The following LINGO3 variants were observed in gnomAD, a reference collection of about 807,000 sequenced individuals.
LINGO3 encodes the protein leucine-rich repeat and immunoglobulin-like domain-containing nogo receptor-interacting protein 3.
For synonymous variants in LINGO3, 427 were observed against 444.2 expected (o/e 0.96, Z 0.49); for missense variants, 750 against 867.7 (o/e 0.86, Z 1.70).
chr19:2,293,780 C>T (rs983251967), upstream of LINGO3, among the ~76,000 whole-genome samples: 2 of 147,120 alleles, frequency 1.4e-5, no homozygotes, highest in East Asian at 2.2e-4. Flanking sequence ...AGGCCGGGCG[C>T]GGTGGCTCAC....
chr19:2,295,951 C>T (rs577038209), upstream of LINGO3, among the ~76,000 whole-genome samples: 9 of 151,860 alleles, frequency 5.9e-5, no homozygotes, highest in East Asian at 1.6e-3. Context: ...GTCCTCCTGC[C>T]CCCAGCTTGG....
chr19:2,302,536 GACCGAGA>G, the LINGO3 span, among the ~76,000 whole-genome samples: 1 of 152,332 alleles, frequency 6.6e-6, no homozygotes. Flanking sequence ...TGGGGTTGGC[GACCGAGA>G]ACCTTCCTGC....
At chr19:2,306,635 C>A in the LINGO3 span, among the ~76,000 whole-genome samples, 1 of 152,180 alleles carries the variant, frequency 6.6e-6, no homozygotes, top group African/African-American at 2.4e-5. Context: ...CCGAGGTGGG[C>A]AGCATCTCAT....
Position 2,291,927 on chromosome 19 carries a change from C to T in LINGO3, c.-151G>A, listed in dbSNP as rs867592034. 34 of 676,340 alleles carry T rather than the reference C, an allele frequency of 5.0e-5. 1 individual carries two copies. In the Middle Eastern group the frequency reaches 2.8e-3, roughly 57 times the overall value. The allele number at this position is 676,340 out of a possible 1,614,324, so 41.9% of individuals were successfully genotyped here. A position where few individuals can be genotyped will look rare whatever the true frequency, so the allele number is the denominator to read the frequency against. ...CCCGTCCCAGCACGGCGGCTCGCTC[C>T]TGTAAACCCAGCATTTTGGGAGGCT... On this transcript the variant is annotated 5_prime_UTR_variant, in exon 1 of 1. Transcript: ENST00000585527.
At chr19:2,302,736 T>C in the LINGO3 span, among the ~76,000 whole-genome samples, 7 of 152,214 alleles carry the variant, frequency 4.6e-5, no homozygotes, top group African/African-American at 1.4e-4. Context: ...CTCATTACCA[T>C]GCACGACCAG....
chr19:2,307,309 C>T, the LINGO3 span, among the ~76,000 whole-genome samples: 1 of 152,206 alleles, frequency 6.6e-6, no homozygotes, highest in Non-Finnish European at 1.5e-5. Context: ...GCACCGTTAG[C>T]GCCCCAAGCA....
At position 2,290,701 on chromosome 19, in the gene LINGO3, C is replaced by G; in HGVS notation, c.1076G>C (p.Arg359Pro). Residue 359 changes from arginine to proline, a missense_variant, in exon 1 of 1, where the codon CGC (arginine) becomes CCC (proline). Physicochemically the swap from Arg to Pro is moderately radical, Grantham distance 103 (BLOSUM62 -2). Transcript: ENST00000585527. This position sits in a 1 kb window ranked among gnomAD's most constrained non-coding sequence, Gnocchi z 6.0. Reference sequence around the variant, plus strand: ...GCGACGCTGCACGATCCACAGCAGGCGACAGTCGCAGGCCAGCGGGTTCCC... The same window carrying G: ...GCGACGCTGCACGATCCACAGCAGGGGACAGTCGCAGGCCAGCGGGTTCCC... The G allele has an allele frequency of 6.2e-7, 1 of 1,611,798 alleles. No individual in the cohort carries two copies. Among genetic ancestry groups the G allele is most frequent in the East Asian group, 2.2e-5 (1 of 44,844 alleles).
chr19:2,293,659 C>T (rs1226229565), upstream of LINGO3, among the ~76,000 whole-genome samples: 3 of 151,952 alleles, frequency 2.0e-5, no homozygotes, highest in South Asian at 4.1e-4. Context: ...CGCGCCCGTC[C>T]GTGTGATCTC....
the LINGO3 span, among the ~76,000 whole-genome samples, chr19:2,300,420 T>A: frequency 0.12 from 17,432 of 151,514 alleles, 1,293 homozygotes; most frequent in East Asian, 0.21. Flanking sequence ...GCTCTCTATC[T>A]CCATCCTCAT....
the LINGO3 span, among the ~76,000 whole-genome samples, chr19:2,307,572 A>G: frequency 2.0e-5 from 3 of 152,250 alleles, no homozygotes; most frequent in East Asian, 5.8e-4. Context: ...CCTCCCCGCC[A>G]GGCCGGGCCG....
the LINGO3 span, among the ~76,000 whole-genome samples, chr19:2,303,159 C>A: frequency 1.3e-5 from 2 of 152,050 alleles, no homozygotes; most frequent in Non-Finnish European, 2.9e-5. Context: ...GGACCCCCAC[C>A]CATCTGCTTC....
At chr19:2,307,432 A>G in the LINGO3 span, among the ~76,000 whole-genome samples, 1 of 152,168 alleles carries the variant, frequency 6.6e-6, no homozygotes, top group Non-Finnish European at 1.5e-5. Context: ...AATGGGACTC[A>G]GGGCCTCCCC....
the LINGO3 span, among the ~76,000 whole-genome samples, chr19:2,299,977 C>T: frequency 2.7e-5 from 4 of 150,568 alleles, no homozygotes; most frequent in Admixed American, 6.6e-5. Context: ...CCGGCCTCGG[C>T]CTCCCAAAGT....
chr19:2,287,325 G>A (rs1234620733), downstream of LINGO3, among the ~76,000 whole-genome samples: 1 of 152,056 alleles, frequency 6.6e-6, no homozygotes, highest in Admixed American at 6.6e-5. This position sits in a 1 kb window ranked among gnomAD's most constrained non-coding sequence, Gnocchi z 4.5. Context: ...TAACCTGGCC[G>A]AGAATGCACC....
chr19:2,304,674 T>A, the LINGO3 span, among the ~76,000 whole-genome samples: 1 of 148,640 alleles, frequency 6.7e-6, no homozygotes, highest in Admixed American at 6.8e-5. Context: ...TCACCTGGAA[T>A]GCGCAGCAGG....
chr19:2,292,829 C>A (rs1254263488), upstream of LINGO3, among the ~76,000 whole-genome samples: 1 of 151,984 alleles, frequency 6.6e-6, no homozygotes, highest in African/African-American at 2.4e-5. Flanking sequence ...GAACACACAG[C>A]GCACGGAAAA....
chr19:2,297,286 T>G, the LINGO3 span, among the ~76,000 whole-genome samples: 1 of 142,856 alleles, frequency 7.0e-6, no homozygotes, highest in East Asian at 2.1e-4. Flanking sequence ...GACCCGGGCA[T>G]GCACCCTCCC....
upstream of LINGO3, among the ~76,000 whole-genome samples, chr19:2,294,156 T>G (rs1175976192): frequency 6.6e-6 from 1 of 152,200 alleles, no homozygotes; most frequent in Non-Finnish European, 1.5e-5. This position sits in a 1 kb window ranked among gnomAD's most constrained non-coding sequence, Gnocchi z 4.3. Flanking sequence ...TAGATGAGAC[T>G]GCAGTGGATT....
At chr19:2,302,131 G>A in the LINGO3 span, among the ~76,000 whole-genome samples, 1 of 145,142 alleles carries the variant, frequency 6.9e-6, no homozygotes, top group African/African-American at 2.6e-5. Flanking sequence ...GTTCAATCTA[G>A]GCTCACTGCA....
Sources: gnomAD v4.1 joint callset for allele counts (sites outside exome capture counted in the v4.1 genomes callset) on GRCh38, gnomAD v4.1.1 for gene constraint, Gnocchi (gnomAD v3.1) non-coding constraint, MANE v1.5 for transcripts, NCBI Gene and HGNC (gene_info 2026-07-23, HGNC 2026-07-21) for gene names.